The following APPBP2 variants were observed in gnomAD, a reference collection of about 807,000 sequenced individuals.
APPBP2 encodes the protein amyloid beta precursor protein binding protein 2, also known as amyloid protein-binding protein 2.
A neutral mutation model predicts 76.0 loss-of-function variants in APPBP2; 15 were observed. That is an observed-to-expected ratio of 0.20 (90% CI 0.13 to 0.30). The LOEUF is 0.30. Among genes scored for constraint, APPBP2 ranks in the 10% least tolerant of loss-of-function variants. APPBP2 has a pLI of 1.00. For synonymous variants in APPBP2, 222 were observed against 242.2 expected (o/e 0.92, Z 0.77); for missense variants, 401 against 687.2 (o/e 0.58, Z 4.66).
At chr17:60,487,837 C>T (rs907388211) in intron 3 of APPBP2, among the ~76,000 whole-genome samples, 2 of 152,222 alleles carry the variant, frequency 1.3e-5, no homozygotes, top group Non-Finnish European at 2.9e-5. Flanking sequence ...GTGGTTTTAT[C>T]TGCCTTTGGT....
intron 3 of APPBP2, among the ~76,000 whole-genome samples, chr17:60,490,875 C>T (rs1244429094): frequency 1.3e-5 from 2 of 152,192 alleles, no homozygotes; most frequent in Non-Finnish European, 2.9e-5. Context: ...GATTGTGAGG[C>T]CTCCCCAGCC....
rs1288224817 is a variant in APPBP2 at position 60,518,356 on chromosome 17, TGC to T, written c.138+7436_138+7437del. Among the ~76,000 whole-genome samples, 46 of 103,166 alleles carry T rather than the reference TGC, an allele frequency of 4.5e-4. 1 individual carries two copies. The highest frequency in any genetic ancestry group is 1.4e-3 in the East Asian group (6 of 4,282). The allele number at this position is 103,166 out of a possible 152,430, so 67.7% of individuals were successfully genotyped here. On this transcript the variant is annotated intron_variant, in intron 1 of 12. Transcript: ENST00000083182. Reference sequence around the variant, plus strand: ...GCTACCATGCCCAGCCGTGTGTGCGTGCGTGTGTGTGTGTGTGTGTGTGTGTG... The same window carrying T: ...GCTACCATGCCCAGCCGTGTGTGCGTGTGTGTGTGTGTGTGTGTGTGTGTG...
At position 60,501,612 on chromosome 17, in the gene APPBP2, G is replaced by A. The variant is rs748925354; in HGVS notation, c.139-1125C>T. On this transcript the variant is annotated intron_variant, in intron 1 of 12. Transcript: ENST00000083182. ...GGGGTTTCACCATGTTGGCCAGGCT[G>A]GTCTTGAACTCCTGACCTCAAGACC... 4.3e-4 allele frequency among the ~76,000 whole-genome samples: 66 copies of A among 152,102 alleles called. 1 individual carries two copies. Among genetic ancestry groups the A allele is most frequent in the Admixed American group, 3.9e-4 (6 of 15,260 alleles).
intron 2 of APPBP2, among the ~76,000 whole-genome samples, chr17:60,498,078 G>A (rs1417074996): frequency 6.6e-6 from 1 of 151,746 alleles, no homozygotes; most frequent in African/African-American, 2.4e-5. Flanking sequence ...AGTGAGCCAT[G>A]ATCTTGCCAC....
intron 8 of APPBP2, 80 bp from the exon 9 acceptor site, chr17:60,460,867 T>A: frequency 7.0e-7 from 1 of 1,422,946 alleles, no homozygotes; most frequent in Non-Finnish European, 9.5e-7. Flanking sequence ...AATTTAAATA[T>A]ATATCTATAT....
chr17:60,501,450 G>A lies in APPBP2; in HGVS notation c.139-963C>T, dbSNP rs189635531. Among the ~76,000 whole-genome samples, 336 of 152,288 alleles carry A rather than the reference G, an allele frequency of 2.2e-3. 2 individuals are homozygous for A. Among genetic ancestry groups the A allele is most frequent in the Non-Finnish European group, 3.0e-3 (203 of 68,030 alleles). On this transcript the variant is annotated intron_variant, in intron 1 of 12. Coordinates refer to ENST00000083182, the MANE Select transcript of APPBP2 (RefSeq NM_006380.5). ...CAGGCAATACAATACCCAAGAGTGT[G>A]TAGTGGTGCAATCTCGGCTCACTGC...
intron 3 of APPBP2, among the ~76,000 whole-genome samples, chr17:60,489,935 T>C (rs1290857992): frequency 1.3e-5 from 2 of 152,030 alleles, no homozygotes; most frequent in African/African-American, 4.8e-5. Flanking sequence ...CTTGGGAGGC[T>C]GAGGAAGGAG....
chr17:60,469,343 AAT>A (rs1188471754), intron 4 of APPBP2, among the ~76,000 whole-genome samples: 1 of 151,746 alleles, frequency 6.6e-6, no homozygotes, highest in Non-Finnish European at 1.5e-5. Flanking sequence ...AAAAAAAAAA[AAT>A]TGGAAATAAA....
chr17:60,513,911 C>T (rs985088194), intron 1 of APPBP2, among the ~76,000 whole-genome samples: 4 of 150,980 alleles, frequency 2.6e-5, no homozygotes, highest in African/African-American at 4.9e-5. Flanking sequence ...TGCGATCCTA[C>T]CCCTGGAGTA....
At chr17:60,510,962 C>A (rs571560375) in intron 1 of APPBP2, among the ~76,000 whole-genome samples, 3 of 152,030 alleles carry the variant, frequency 2.0e-5, no homozygotes, top group Non-Finnish European at 4.4e-5. Flanking sequence ...GTTTTCCCCC[C>A]CAATGGTTAA....
intron 1 of APPBP2, among the ~76,000 whole-genome samples, chr17:60,522,622 C>T (rs2091018841): frequency 6.6e-6 from 1 of 152,134 alleles, no homozygotes; most frequent in African/African-American, 2.4e-5. Flanking sequence ...GCCTTTACAT[C>T]TTTAATTCTT....
intron 1 of APPBP2, among the ~76,000 whole-genome samples, chr17:60,521,916 G>A (rs2091012774): frequency 6.6e-6 from 1 of 152,160 alleles, no homozygotes; most frequent in South Asian, 2.1e-4. Context: ...ACTTAATACT[G>A]TGTTACAACT....
intron 4 of APPBP2, among the ~76,000 whole-genome samples, chr17:60,477,939 A>AG (rs1355462211): frequency 6.6e-6 from 1 of 152,036 alleles, no homozygotes; most frequent in Non-Finnish European, 1.5e-5. Flanking sequence ...CAGGAGTTGG[A>AG]GACCAGACTG....
At chr17:60,483,702 T>G (rs9890428) in intron 3 of APPBP2, among the ~76,000 whole-genome samples, 11,932 of 152,208 alleles carry the variant, frequency 0.078, 1,583 homozygotes, top group African/African-American at 0.27. Context: ...CGATGGTAGT[T>G]TCTTTTGCTG....
chr17:60,523,553 G>T (rs1055998372), intron 1 of APPBP2, among the ~76,000 whole-genome samples: 47 of 152,124 alleles, frequency 3.1e-4, no homozygotes, highest in African/African-American at 1.1e-3. Context: ...GAAAAGTCAG[G>T]TGCGGTGGCA....
At chr17:60,448,034 T>C (rs1424284354) in intron 12 of APPBP2, among the ~76,000 whole-genome samples, 200 bp from the exon 13 acceptor site, 1 of 152,146 alleles carries the variant, frequency 6.6e-6, no homozygotes, top group Non-Finnish European at 1.5e-5. Context: ...TAAAAAAAAT[T>C]TTCTCGTCTA....
chr17:60,452,092 T>C (rs749018643), intron 11 of APPBP2, 47 bp from the exon 12 acceptor site: 4 of 1,581,564 alleles, frequency 2.5e-6, no homozygotes. Context: ...TTTCTCATCT[T>C]AACAGTTCTT....
intron 9 of APPBP2, among the ~76,000 whole-genome samples, chr17:60,457,566 C>G (rs931085726): frequency 6.6e-6 from 1 of 151,934 alleles, no homozygotes; most frequent in African/African-American, 2.4e-5. Context: ...AGGTGGGTTA[C>G]AGGTGTACAC....
At chr17:60,475,648 T>TACACACACACACACACAC (rs72415327) in intron 4 of APPBP2, among the ~76,000 whole-genome samples, 60 of 129,258 alleles carry the variant, frequency 4.6e-4, no homozygotes, top group African/African-American at 1.8e-3. Context: ...CAACTCTTTA[T>TACACACACACACACACAC]ACACACACAC....
Sources: gnomAD v4.1 joint callset for allele counts (sites outside exome capture counted in the v4.1 genomes callset) on GRCh38, gnomAD v4.1.1 for gene constraint, MANE v1.5 for transcripts, NCBI Gene and HGNC (gene_info 2026-07-23, HGNC 2026-07-21) for gene names.